Variants in ILRUN observed in about 807,000 individuals in gnomAD.
ILRUN encodes the protein protein ILRUN.
Under a neutral mutation model 33.8 loss-of-function variants are expected in ILRUN, and 3 were observed. That is an observed-to-expected ratio of 0.09 (90% confidence interval 0.04 to 0.23). ILRUN has a LOEUF of 0.23. ILRUN is among the 10% of genes least tolerant of loss of function. The pLI, the probability that ILRUN is intolerant of heterozygous loss-of-function variation, is 1.00. For missense variants in ILRUN, 210 were observed against 375.1 expected, an observed-to-expected ratio of 0.56 and a Z score of 3.64; for synonymous variants, 124 against 138.9, an observed-to-expected ratio of 0.89 and a Z score of 0.75.
At chr6:34,694,185 T>C (rs1562038574) in intron 1 of ILRUN, among the ~76,000 whole-genome samples, 1 of 152,188 alleles carries the variant, frequency 6.6e-6, no homozygotes, top group Non-Finnish European at 1.5e-5. Context: ...AGAAAAATCT[T>C]AGACATTAAA....
At chr6:34,658,586 C>A (rs370696114) in intron 1 of ILRUN, among the ~76,000 whole-genome samples, 145 of 150,140 alleles carry the variant, frequency 9.7e-4, no homozygotes, top group African/African-American at 3.1e-3. Context: ...GCGGGCAGAT[C>A]GCCTGAGGTC....
chr6:34,696,397 C>T (rs1000565252), intron 1 of ILRUN, 49 bp downstream of exon 1: 1 of 1,520,214 alleles, frequency 6.6e-7, no homozygotes, highest in East Asian at 2.5e-5. Flanking sequence ...CCCTTCCCCT[C>T]GGGGCCCCCG....
chr6:34,604,943 A>G (rs1761593598), intron 4 of ILRUN, among the ~76,000 whole-genome samples: 1 of 152,198 alleles, frequency 6.6e-6, no homozygotes, highest in South Asian at 2.1e-4. Context: ...AGTCTTTCCT[A>G]CTAGACCATG....
At chr6:34,634,816 A>G (rs563590218) in intron 3 of ILRUN, among the ~76,000 whole-genome samples, 45 of 152,302 alleles carry the variant, frequency 3.0e-4, no homozygotes, top group Non-Finnish European at 5.7e-4. Flanking sequence ...TCCAGGTTTG[A>G]ATGGTTTTGC....
At position 34,621,112 on chromosome 6, in the gene ILRUN, C is replaced by T. The variant is rs1010831483; in HGVS notation, c.512-14208G>A. On this transcript the variant is annotated intron_variant, in intron 3 of 4. Coordinates refer to ENST00000374023, the MANE Select transcript of ILRUN (RefSeq NM_024294.4). The stretch of plus-strand genomic sequence containing the variant: ...TTCATATACAGAATCTAAGAGTTTA[C>T]AACGACACTTACAAAAAGGGGGAAA... 5.3e-5 allele frequency among the ~76,000 whole-genome samples: 8 copies of T among 152,290 alleles called. No individual in the cohort carries two copies. In the East Asian group the frequency reaches 1.5e-3, roughly 29 times the overall value.
intron 1 of ILRUN, among the ~76,000 whole-genome samples, chr6:34,655,237 A>AT (rs1265228969): frequency 1.3e-5 from 2 of 152,162 alleles, no homozygotes; most frequent in African/African-American, 4.8e-5. Flanking sequence ...TCAGCCTCCC[A>AT]AAGTGCTAGG....
At chr6:34,644,876 T>C (rs539110945) in intron 3 of ILRUN, among the ~76,000 whole-genome samples, 14 of 152,032 alleles carry the variant, frequency 9.2e-5, no homozygotes, top group African/African-American at 3.1e-4. Context: ...AGCAAGGGCA[T>C]GGAGAAGTGA....
At chr6:34,668,883 C>T (rs866480589) in intron 1 of ILRUN, among the ~76,000 whole-genome samples, 7 of 138,726 alleles carry the variant, frequency 5.0e-5, no homozygotes, top group Non-Finnish European at 9.2e-5. Flanking sequence ...TCGCTCTTGT[C>T]GCCAGGCTGG....
intron 1 of ILRUN, among the ~76,000 whole-genome samples, chr6:34,669,752 A>G (rs190237554): frequency 6.6e-6 from 1 of 152,266 alleles, no homozygotes; most frequent in African/African-American, 2.4e-5. Context: ...AGTAAACAAA[A>G]TGTGGTATAT....
chr6:34,617,825 G>A (rs964207560), intron 3 of ILRUN, among the ~76,000 whole-genome samples: 3 of 152,042 alleles, frequency 2.0e-5, no homozygotes, highest in African/African-American at 4.8e-5. Context: ...CTCAAAAAAC[G>A]TATTAAGCTA....
intron 3 of ILRUN, among the ~76,000 whole-genome samples, chr6:34,640,546 C>T (rs902789822): frequency 6.6e-6 from 1 of 151,780 alleles, no homozygotes; most frequent in African/African-American, 2.4e-5. Context: ...CCTGTCTCTA[C>T]TAAAAATACA....
At chr6:34,606,290 TCA>T (rs1761627953) in intron 4 of ILRUN, among the ~76,000 whole-genome samples, 1 of 152,156 alleles carries the variant, frequency 6.6e-6, no homozygotes. Flanking sequence ...GTAAAGAACT[TCA>T]CTCTTTCAAC....
intron 3 of ILRUN, among the ~76,000 whole-genome samples, chr6:34,620,942 C>A (rs1385788837): frequency 6.6e-6 from 1 of 152,198 alleles, no homozygotes; most frequent in South Asian, 2.1e-4. Flanking sequence ...AAGACATACA[C>A]AACAAAACAG....
intron 1 of ILRUN, among the ~76,000 whole-genome samples, chr6:34,670,800 G>A (rs2127377490): frequency 6.9e-6 from 1 of 144,082 alleles, no homozygotes; most frequent in East Asian, 2.1e-4. Context: ...AGGTAGCAGT[G>A]AGCCACTGCA....
rs141794465 is a variant in ILRUN, at chr6:34,600,180, C to T, written c.861+6375G>A. Among the ~76,000 whole-genome samples, 49 of 152,270 alleles carry T rather than the reference C, an allele frequency of 3.2e-4. No homozygotes were observed. In the South Asian group the frequency reaches 8.7e-3, roughly 27 times the overall value. ...CTCTATTGAAAACCTTTTAAGGCTC[C>T]CCTTTTTCCTCAGAGCAAAAGCCCA... On this transcript the variant is annotated intron_variant, in intron 4 of 4. Transcript: ENST00000374023.
chr6:34,650,500 A>G (rs899196731), intron 2 of ILRUN, among the ~76,000 whole-genome samples: 1 of 151,500 alleles, frequency 6.6e-6, no homozygotes, highest in Non-Finnish European at 1.5e-5. Context: ...GCGCGGTCTC[A>G]GCTCACTGCA....
intron 3 of ILRUN, among the ~76,000 whole-genome samples, chr6:34,636,797 T>C (rs2127352702): frequency 6.6e-6 from 1 of 152,320 alleles, no homozygotes; most frequent in African/African-American, 2.4e-5. Context: ...TCCTTATTTA[T>C]AAGAAACATG....
chr6:34,660,558 T>C (rs73413804), intron 1 of ILRUN, among the ~76,000 whole-genome samples: 4,697 of 152,232 alleles, frequency 0.031, 196 homozygotes, highest in African/African-American at 0.09. Context: ...ATTGTTATCC[T>C]GAACCACAAG....
At chr6:34,610,837 T>C (rs980458441) in intron 3 of ILRUN, among the ~76,000 whole-genome samples, 4 of 152,170 alleles carry the variant, frequency 2.6e-5, no homozygotes, top group African/African-American at 9.7e-5. Context: ...ACTAAATGCT[T>C]ATGAGAAAGC....
Sources: allele counts gnomAD v4.1 joint callset (sites outside exome capture counted in the v4.1 genomes callset), GRCh38; gene constraint gnomAD v4.1.1; transcripts MANE v1.5; gene names NCBI Gene and HGNC (gene_info 2026-07-23, HGNC 2026-07-21).